Variants in CCDC12 observed in about 807,000 individuals in gnomAD.
CCDC12 encodes coiled-coil domain containing 12.
A neutral mutation model predicts 25.7 loss-of-function variants in CCDC12; 28 were observed. That is an observed-to-expected ratio of 1.09 (90% CI 0.81 to 1.50). The LOEUF (loss-of-function observed/expected upper bound fraction) is 1.50. Ranked by LOEUF, CCDC12 falls within the 40% of genes most tolerant of loss-of-function variation. The pLI is 0.00. For missense variants in CCDC12, 198 were observed against 210.0 expected (o/e 0.94, Z 0.35); for synonymous variants, 75 against 87.7 (o/e 0.86, Z 0.81).
At chr3:46,967,119 T>C (rs1401549802) in intron 1 of CCDC12, among the ~76,000 whole-genome samples, 3 of 152,104 alleles carry the variant, frequency 2.0e-5, no homozygotes, top group Admixed American at 2.0e-4. Flanking sequence ...CTCTCTTCGC[T>C]TACCTGTCTA....
At chr3:46,980,709 C>T (rs985184567), upstream of CCDC12, among the ~76,000 whole-genome samples, 4 of 152,112 alleles carry the variant, frequency 2.6e-5, no homozygotes, top group African/African-American at 7.2e-5. Context: ...GTGACTCAGA[C>T]GTGGGTGTCC....
At chr3:46,969,037 G>C (rs891817756) in intron 1 of CCDC12, among the ~76,000 whole-genome samples, 19 of 152,222 alleles carry the variant, frequency 1.2e-4, no homozygotes, top group African/African-American at 4.3e-4. Context: ...CAACCAGGCT[G>C]CTGGGCCTGG....
At chr3:46,950,380 T>C (rs925586922) in intron 1 of CCDC12, among the ~76,000 whole-genome samples, 2 of 152,278 alleles carry the variant, frequency 1.3e-5, no homozygotes, top group African/African-American at 4.8e-5. Flanking sequence ...GGTGCAATCA[T>C]AGCTTACCAC....
intron 5 of CCDC12, 116 bp downstream of exon 5, chr3:46,923,211 CTA>C: frequency 1.9e-6 from 2 of 1,066,362 alleles, no homozygotes; most frequent in Non-Finnish European, 2.5e-6. Flanking sequence ...TCGTGTAACT[CTA>C]TGTCTGTACT....
chr3:46,927,608 G>A (rs918115408), intron 2 of CCDC12, among the ~76,000 whole-genome samples: 1 of 152,184 alleles, frequency 6.6e-6, no homozygotes, highest in Non-Finnish European at 1.5e-5. Flanking sequence ...GCCACCCCCA[G>A]AGCGGAGCAC....
At chr3:46,947,917 C>T (rs889794907) in intron 1 of CCDC12, among the ~76,000 whole-genome samples, 1 of 152,170 alleles carries the variant, frequency 6.6e-6, no homozygotes, top group African/African-American at 2.4e-5. Flanking sequence ...CATCATATCA[C>T]CATTACAAGG....
At chr3:46,954,066 CT>C (rs1352632977) in intron 1 of CCDC12, among the ~76,000 whole-genome samples, 3 of 151,850 alleles carry the variant, frequency 2.0e-5, no homozygotes, top group African/African-American at 7.3e-5. Flanking sequence ...TGGGAGACAG[CT>C]TCGTGTGGCA....
chr3:46,925,296 C>T (rs1303000214), intron 3 of CCDC12, 160 bp downstream of exon 3: 5 of 726,830 alleles, frequency 6.9e-6, no homozygotes, highest in Non-Finnish European at 1.3e-5. Context: ...TGCCGAAGGC[C>T]GACTGTGTGC....
At chr3:46,976,291 A>G in intron 1 of CCDC12, 2 of 1,144,690 alleles carry the variant, frequency 1.7e-6, no homozygotes, top group Non-Finnish European at 2.2e-6. Flanking sequence ...CCATAGAGGA[A>G]CGGAACAAAT....
intron 1 of CCDC12, among the ~76,000 whole-genome samples, chr3:46,960,220 C>T (rs2034421818): frequency 6.6e-6 from 1 of 152,166 alleles, no homozygotes; most frequent in South Asian, 2.1e-4. Context: ...ATTTCCCACC[C>T]AGGCTCTGTG....
At chr3:46,951,798 A>AAAAAAAAAAAAAAAAT in intron 1 of CCDC12, among the ~76,000 whole-genome samples, 15 of 8,464 alleles carry the variant, frequency 1.8e-3, no homozygotes, top group East Asian at 0.019. Context: ...AAAAAAAAAA[A>AAAAAAAAAAAAAAAAT]ATATATATAT....
chr3:46,981,459 T>C (rs1168098650), upstream of CCDC12, among the ~76,000 whole-genome samples: 3 of 151,826 alleles, frequency 2.0e-5, no homozygotes, highest in Non-Finnish European at 2.9e-5. Context: ...AAAATAAAAA[T>C]AAAAAACTGA....
At chr3:46,931,875 A>T (rs1280046207) in intron 2 of CCDC12, among the ~76,000 whole-genome samples, 2 of 152,226 alleles carry the variant, frequency 1.3e-5, no homozygotes, top group African/African-American at 4.8e-5. Context: ...TTTAATATTC[A>T]GAGTACAGAG....
chr3:46,965,065 A>C (rs1034216048), intron 1 of CCDC12, among the ~76,000 whole-genome samples: 4 of 152,200 alleles, frequency 2.6e-5, no homozygotes, highest in African/African-American at 4.8e-5. Flanking sequence ...AAGGACTCCC[A>C]AGCACACCCA....
At chr3:46,936,060 G>A (rs2033429151) in intron 2 of CCDC12, among the ~76,000 whole-genome samples, 1 of 152,210 alleles carries the variant, frequency 6.6e-6, no homozygotes, top group Admixed American at 6.5e-5. Context: ...TCTTCAAGAT[G>A]GCTGGTGAGG....
chr3:46,932,660 C>A (rs936291439), intron 2 of CCDC12, among the ~76,000 whole-genome samples: 2 of 152,228 alleles, frequency 1.3e-5, no homozygotes, highest in African/African-American at 2.4e-5. Context: ...GACAGGGCCA[C>A]ATCACAGCCT....
intron 2 of CCDC12, chr3:46,940,776 G>T (rs2033668831): frequency 1.7e-6 from 1 of 581,226 alleles, no homozygotes; most frequent in Non-Finnish European, 3.1e-6. Context: ...GCTGGGGGCT[G>T]AGTAACAGCC....
upstream of CCDC12, among the ~76,000 whole-genome samples, chr3:46,981,057 G>T (rs73831453): frequency 2.1e-3 from 324 of 152,290 alleles, 3 homozygotes; most frequent in African/African-American, 7.5e-3. Context: ...AGAGGTCCAG[G>T]CCCCAGCAGG....
chr3:46,966,654 G>C lies in CCDC12; in HGVS notation c.96+9983C>G, dbSNP rs972843715. 3.9e-5 allele frequency among the ~76,000 whole-genome samples: 6 copies of C among 152,182 alleles called. 1 individual carries two copies. The highest frequency in any genetic ancestry group is 6.5e-5 in the Admixed American group (1 of 15,286). ...GTGAGTTCAGACAGCAAGGCTATAA[G>C]GGCACTGCCTCAGACTGGCGCTACC... On this transcript the variant is annotated intron_variant, in intron 1 of 6. Transcript: ENST00000683445.
Sources: allele counts gnomAD v4.1 joint callset (sites outside exome capture counted in the v4.1 genomes callset), GRCh38; gene constraint gnomAD v4.1.1; transcripts MANE v1.5; gene names NCBI Gene and HGNC (gene_info 2026-07-23, HGNC 2026-07-21).